ARL8B: variants seen among roughly 807,000 people sequenced by gnomAD.
ARL8B encodes the protein ADP-ribosylation factor-like protein 8B.
Under a neutral mutation model 30.6 loss-of-function variants are expected in ARL8B, and 9 were observed. The observed-to-expected ratio is 0.29, with a 90% CI of 0.18 to 0.51. The LOEUF (loss-of-function observed/expected upper bound fraction) is 0.51. ARL8B is among the 20% of genes least tolerant of loss of function. The probability of loss-of-function intolerance (pLI) is 0.97; values close to 1 mark genes in which losing one functional copy is unlikely to be tolerated. For missense variants in ARL8B, 130 were observed against 227.2 expected, an observed-to-expected ratio of 0.57 and a Z score of 2.75; for synonymous variants, 74 against 76.0, an observed-to-expected ratio of 0.97 and a Z score of 0.14.
rs1023583744 is a variant in ARL8B, at chr3:5,180,400, A to G, written c.*1687A>G. The G allele has an allele frequency of 8.5e-5, 13 of 152,282 alleles. No homozygotes were observed. Among genetic ancestry groups the G allele is most frequent in the African/African-American group, 2.9e-4 (12 of 41,462 alleles). The allele number at this position is 152,282 out of a possible 1,614,324, so 9.4% of individuals were successfully genotyped here. A position where few individuals can be genotyped will look rare whatever the true frequency, so the allele number is the denominator to read the frequency against. On this transcript the variant is annotated 3_prime_UTR_variant, in exon 7 of 7. Transcript: ENST00000256496. Reference sequence around the variant, plus strand: ...TATTTAAACTTGCTACTGTTGTTCAACACCATTAATGGTCAGTGTGAACCA... The same window carrying G: ...TATTTAAACTTGCTACTGTTGTTCAGCACCATTAATGGTCAGTGTGAACCA...
At chr3:5,178,550 G>A in intron 6 of ARL8B, 114 bp from the exon 7 acceptor site, 1 of 917,172 alleles carries the variant, frequency 1.1e-6, no homozygotes, top group Non-Finnish European at 1.6e-6. Context: ...ATGCAGAAAA[G>A]CAGCAGAGGT....
Position 5,179,861 on chromosome 3 carries a change from C to G in ARL8B, c.*1148C>G, listed in dbSNP as rs1226334219. 6.6e-6 allele frequency: 1 copy of G among 152,486 alleles called. No individual in the cohort carries two copies. The highest frequency in any genetic ancestry group is 1.5e-5 in the Non-Finnish European group (1 of 68,034). 9.4% of individuals were successfully genotyped at this position (152,486 alleles called of 1,614,324 possible). ...CAATGTCTACAGGTTGTTTAATAAT[C>G]AGTCACACAGAGAACTGAGGAACTG... On this transcript the variant is annotated 3_prime_UTR_variant, in exon 7 of 7. Transcript: ENST00000256496.
intron 1 of ARL8B, among the ~76,000 whole-genome samples, chr3:5,160,842 A>G (rs917090265): frequency 2.6e-5 from 4 of 152,248 alleles, no homozygotes; most frequent in African/African-American, 9.6e-5. Context: ...AAAAAGAACT[A>G]TTTAAAAATC....
chr3:5,136,319 GAC>G, intron 1 of ARL8B, among the ~76,000 whole-genome samples: 1 of 152,268 alleles, frequency 6.6e-6, no homozygotes, highest in East Asian at 1.9e-4. Context: ...AAGATTAAGT[GAC>G]ACAGTTAATT....
chr3:5,135,328 G>T (rs940612831), intron 1 of ARL8B, among the ~76,000 whole-genome samples: 24 of 123,856 alleles, frequency 1.9e-4, no homozygotes, highest in African/African-American at 8.5e-4. Context: ...TCATTCTGTT[G>T]CCCAGACTGG....
intron 1 of ARL8B, among the ~76,000 whole-genome samples, chr3:5,164,337 A>G (rs1013273855): frequency 2.0e-5 from 3 of 152,232 alleles, no homozygotes; most frequent in African/African-American, 7.2e-5. Flanking sequence ...TAGTGGCATG[A>G]CTGATTTGTC....
At chr3:5,157,219 A>G (rs146274256) in intron 1 of ARL8B, among the ~76,000 whole-genome samples, 2 of 152,262 alleles carry the variant, frequency 1.3e-5, no homozygotes, top group African/African-American at 2.4e-5. Flanking sequence ...GTGGTGGTCT[A>G]CCTTATAGTT....
intron 5 of ARL8B, 38 bp downstream of exon 5, chr3:5,174,122 A>C (rs77402822): frequency 6.5e-7 from 1 of 1,542,526 alleles, no homozygotes; most frequent in Non-Finnish European, 8.9e-7. Context: ...ATTTGCTTCT[A>C]AATTACCATA....
At chr3:5,141,751 C>T (rs559739645) in intron 1 of ARL8B, among the ~76,000 whole-genome samples, 1 of 152,310 alleles carries the variant, frequency 6.6e-6, no homozygotes, top group South Asian at 2.1e-4. Flanking sequence ...ACTTACACCC[C>T]CTTTTTCTGG....
At position 5,172,137 on chromosome 3, in the gene ARL8B, T is replaced by G. The variant is rs73002996; in HGVS notation, c.205-13T>G. The G allele has an allele frequency of 9.3e-3, 14,901 of 1,609,562 alleles. 82 individuals carry two copies. Among genetic ancestry groups the G allele is most frequent in the Non-Finnish European group, 0.011 (12,856 of 1,177,120 alleles). The stretch of plus-strand genomic sequence containing the variant: ...AATATCTTTATTAAGAATTGCCTTG[T>G]TTTGATTTAAAGATCTGGGACATAG... On this transcript the variant is annotated splice_polypyrimidine_tract_variant and intron_variant, in intron 2 of 6. Transcript: ENST00000256496.
chr3:5,141,252 C>T lies in ARL8B; in HGVS notation c.123+18664C>T, dbSNP rs111998011. ...TCCAGTACTTAGATTTATTATGCCT[C>T]GAAAATGGACCACTTAAAATGTTTT... is the stretch of plus-strand genomic sequence containing the variant. On this transcript the variant is annotated intron_variant, in intron 1 of 6. Coordinates refer to ENST00000256496, the MANE Select transcript of ARL8B (RefSeq NM_018184.3). 3.9e-3 allele frequency among the ~76,000 whole-genome samples: 589 copies of T among 152,254 alleles called. 5 individuals are homozygous for T. Among genetic ancestry groups the T allele is most frequent in the African/African-American group, 0.014 (563 of 41,536 alleles).
chr3:5,146,476 T>G lies in ARL8B; in HGVS notation c.123+23888T>G, dbSNP rs535249157. 2.2e-4 allele frequency among the ~76,000 whole-genome samples: 33 copies of G among 152,318 alleles called. No homozygotes were observed. In the South Asian group the frequency reaches 2.7e-3, roughly 12 times the overall value. ...TACTGGTTGGAGCCTTTTTCTCCCTTCAGTAGAAATGGGATATTGTTTTCT... is the reference window on the plus strand; with the variant it reads ...TACTGGTTGGAGCCTTTTTCTCCCTGCAGTAGAAATGGGATATTGTTTTCT... On this transcript the variant is annotated intron_variant, in intron 1 of 6. Coordinates refer to ENST00000256496, the MANE Select transcript of ARL8B (RefSeq NM_018184.3).
At chr3:5,177,701 T>C (rs2054742669) in intron 6 of ARL8B, among the ~76,000 whole-genome samples, 1 of 152,134 alleles carries the variant, frequency 6.6e-6, no homozygotes, top group Non-Finnish European at 1.5e-5. Flanking sequence ...GGTGATCACC[T>C]GCCTCGGCCT....
At chr3:5,130,102 G>A (rs1268662301) in intron 1 of ARL8B, among the ~76,000 whole-genome samples, 1 of 152,118 alleles carries the variant, frequency 6.6e-6, no homozygotes, top group Non-Finnish European at 1.5e-5. Flanking sequence ...GACCTCAGGT[G>A]ATCTGCCTGC....
intron 1 of ARL8B, among the ~76,000 whole-genome samples, chr3:5,148,513 G>T (rs542222824): frequency 4.6e-5 from 7 of 152,264 alleles, no homozygotes; most frequent in Non-Finnish European, 8.8e-5. Context: ...ACTATTTTGT[G>T]AGATGTATGG....
intron 1 of ARL8B, among the ~76,000 whole-genome samples, chr3:5,139,996 T>TG (rs1553578828): frequency 6.6e-6 from 1 of 151,232 alleles, no homozygotes. Context: ...TGTTTTTTTT[T>TG]TTTTTTTTGA....
At chr3:5,153,320 A>T (rs2054502542) in intron 1 of ARL8B, among the ~76,000 whole-genome samples, 1 of 152,174 alleles carries the variant, frequency 6.6e-6, no homozygotes, top group African/African-American at 2.4e-5. Flanking sequence ...TATGGGGCAG[A>T]TCTTTCCCAC....
At chr3:5,133,294 A>G (rs1395037749) in intron 1 of ARL8B, among the ~76,000 whole-genome samples, 1 of 152,224 alleles carries the variant, frequency 6.6e-6, no homozygotes, top group African/African-American at 2.4e-5. Flanking sequence ...GTTTTAATTC[A>G]GAGGAATAAG....
intron 1 of ARL8B, among the ~76,000 whole-genome samples, chr3:5,128,091 A>T (rs1244834504): frequency 7.4e-6 from 1 of 135,062 alleles, no homozygotes; most frequent in African/African-American, 2.8e-5. Flanking sequence ...TGAACCTGGG[A>T]GGCGGAGGTT....
Sources: allele counts gnomAD v4.1 joint callset (sites outside exome capture counted in the v4.1 genomes callset), GRCh38; gene constraint gnomAD v4.1.1; transcripts MANE v1.5; gene names NCBI Gene and HGNC (gene_info 2026-07-23, HGNC 2026-07-21).